The following NUAK1 variants were observed in gnomAD, a reference collection of about 807,000 sequenced individuals.
The protein encoded by NUAK1 is NUAK family kinase 1.
In NUAK1, 26 loss-of-function variants were observed where a neutral mutation model predicts 56.9. That is an observed-to-expected ratio of 0.46 (90% CI 0.33 to 0.63). The LOEUF (loss-of-function observed/expected upper bound fraction) is 0.63. Ranked by LOEUF, NUAK1 falls within the 30% of genes least tolerant of loss-of-function variation. The probability of loss-of-function intolerance (pLI) is 0.02; values close to 1 mark genes in which losing one functional copy is unlikely to be tolerated. For missense variants in NUAK1, 727 were observed against 876.1 expected (o/e 0.83, Z 2.15); for synonymous variants, 337 against 336.0 (o/e 1.00, Z -0.03).
chr12:106,086,455 C>G (rs2032571437), intron 3 of NUAK1, among the ~76,000 whole-genome samples: 4 of 152,054 alleles, frequency 2.6e-5, no homozygotes, highest in African/African-American at 9.7e-5. Context: ...ACCTTTGAAA[C>G]TTTCCTGTAA....
At chr12:106,128,014 T>C (rs946462581) in intron 1 of NUAK1, among the ~76,000 whole-genome samples, 1 of 152,108 alleles carries the variant, frequency 6.6e-6, no homozygotes, top group African/African-American at 2.4e-5. Context: ...TTGTTAACAC[T>C]GCAACTCCCA....
At chr12:106,120,818 G>T (rs1270380222) in intron 1 of NUAK1, among the ~76,000 whole-genome samples, 2 of 152,198 alleles carry the variant, frequency 1.3e-5, no homozygotes, top group African/African-American at 4.8e-5. Flanking sequence ...ACAGGGGCGA[G>T]GATGGAGGAG....
At chr12:106,096,746 C>G (rs781524656) in intron 2 of NUAK1, among the ~76,000 whole-genome samples, 1 of 152,230 alleles carries the variant, frequency 6.6e-6, no homozygotes, top group African/African-American at 2.4e-5. Flanking sequence ...CCGCCAGACA[C>G]ACGTTCTTCC....
chr12:106,085,649 T>C (rs2032563242), intron 3 of NUAK1, among the ~76,000 whole-genome samples: 1 of 152,182 alleles, frequency 6.6e-6, no homozygotes, highest in African/African-American at 2.4e-5. Context: ...TAGTTATCTG[T>C]GTACTTTATG....
chr12:106,111,996 C>T (rs2032863887), intron 1 of NUAK1, among the ~76,000 whole-genome samples: 1 of 149,738 alleles, frequency 6.7e-6, no homozygotes, highest in African/African-American at 2.5e-5. Context: ...TAGAAAACAT[C>T]ACAGGGAACA....
intron 2 of NUAK1, among the ~76,000 whole-genome samples, chr12:106,091,211 A>T (rs1221927350): frequency 6.6e-6 from 1 of 152,232 alleles, no homozygotes; most frequent in Admixed American, 6.5e-5. Flanking sequence ...TTCCTTTCTG[A>T]AAAATGAAAG....
At chr12:106,114,030 G>A (rs961633238) in intron 1 of NUAK1, among the ~76,000 whole-genome samples, 10 of 152,164 alleles carry the variant, frequency 6.6e-5, no homozygotes, top group African/African-American at 2.2e-4. Context: ...ATTTTTGGAC[G>A]TTCACGTCTC....
intron 2 of NUAK1, among the ~76,000 whole-genome samples, chr12:106,100,888 T>G (rs980303249): frequency 5.9e-5 from 9 of 152,268 alleles, no homozygotes; most frequent in Non-Finnish European, 5.9e-5. Context: ...AGATCTTTGC[T>G]AAAGAAGACA....
chr12:106,081,059 G>A (rs2032513119), intron 4 of NUAK1, among the ~76,000 whole-genome samples: 1 of 152,204 alleles, frequency 6.6e-6, no homozygotes, highest in Non-Finnish European at 1.5e-5. Flanking sequence ...GGAAGTGGAT[G>A]GGAGATGATG....
chr12:106,114,784 AT>A (rs2032899678), intron 1 of NUAK1, among the ~76,000 whole-genome samples: 1 of 152,328 alleles, frequency 6.6e-6, no homozygotes, highest in East Asian at 1.9e-4. Flanking sequence ...CACAAAAAAA[AT>A]TCAACATTTA....
At chr12:106,110,868 C>A (rs1162351345) in intron 1 of NUAK1, among the ~76,000 whole-genome samples, 1 of 152,216 alleles carries the variant, frequency 6.6e-6, no homozygotes, top group Admixed American at 6.5e-5. Context: ...CTCAGCCCAG[C>A]CAATTCTGTT....
Position 106,108,066 on chromosome 12 carries a change from C to T in NUAK1, c.241-1541G>A, listed in dbSNP as rs1184819260. Among the ~76,000 whole-genome samples, 22 of 150,008 alleles carry T rather than the reference C, an allele frequency of 1.5e-4. 1 individual carries two copies. Among genetic ancestry groups the T allele is most frequent in the Admixed American group, 1.2e-3 (18 of 15,020 alleles). On this transcript the variant is annotated intron_variant, in intron 1 of 6. Transcript: ENST00000261402. ...GGCAGGTAGGCAGGTAGATAAAAAA[C>T]GAAGGAAAGATGAAGGGAAGGAGGA...
chr12:106,077,445 T>A (rs1032417885), intron 4 of NUAK1, among the ~76,000 whole-genome samples: 2 of 152,262 alleles, frequency 1.3e-5, no homozygotes, highest in Admixed American at 1.3e-4. Flanking sequence ...CAATCGTTTG[T>A]TAGACCAGGC....
At chr12:106,081,259 T>C (rs12321919) in intron 4 of NUAK1, among the ~76,000 whole-genome samples, 2,198 of 152,180 alleles carry the variant, frequency 0.014, 58 homozygotes, top group African/African-American at 0.05. Flanking sequence ...TCCTCTAGAC[T>C]TTCTGGGTCT....
chr12:106,078,974 C>T (rs2032489431), intron 4 of NUAK1, among the ~76,000 whole-genome samples: 1 of 152,224 alleles, frequency 6.6e-6, no homozygotes, highest in Admixed American at 6.5e-5. Flanking sequence ...ATGGACCAAA[C>T]AGTGCCCTCA....
At chr12:106,097,262 C>G (rs1379728739) in intron 2 of NUAK1, among the ~76,000 whole-genome samples, 2 of 152,202 alleles carry the variant, frequency 1.3e-5, no homozygotes, top group Non-Finnish European at 2.9e-5. Context: ...AAATCTCAGC[C>G]TACGTGGATG....
rs924779173 is a variant in NUAK1 at position 106,096,430 on chromosome 12, C to G, written c.362-9545G>C. 5.9e-5 allele frequency among the ~76,000 whole-genome samples: 9 copies of G among 152,226 alleles called. No homozygotes were observed. The South Asian group carries it at 1.7e-3, about 28-fold the overall frequency. On this transcript the variant is annotated intron_variant, in intron 2 of 6. Coordinates refer to ENST00000261402, the MANE Select transcript of NUAK1 (RefSeq NM_014840.3). ...TGGACAGGCTCACAGCTGAAGCACT[C>G]GTTCACATGATTACACGTGAAGAGA...
chr12:106,120,452 G>A (rs2032962778), intron 1 of NUAK1, among the ~76,000 whole-genome samples: 2 of 152,010 alleles, frequency 1.3e-5, no homozygotes, highest in Middle Eastern at 3.4e-3. Flanking sequence ...TTATGCAGAG[G>A]CGTGTGCAAA....
intron 2 of NUAK1, among the ~76,000 whole-genome samples, chr12:106,096,566 C>T (rs2032699087): frequency 6.6e-6 from 1 of 152,142 alleles, no homozygotes; most frequent in Admixed American, 6.5e-5. Flanking sequence ...TGTTAAAATG[C>T]TCAACTATTT....
Sources: gnomAD v4.1 joint callset for allele counts (sites outside exome capture counted in the v4.1 genomes callset) on GRCh38, gnomAD v4.1.1 for gene constraint, MANE v1.5 for transcripts, NCBI Gene and HGNC (gene_info 2026-07-23, HGNC 2026-07-21) for gene names.